EBF2: variants seen among roughly 807,000 people sequenced by gnomAD.
EBF2 encodes EBF transcription factor 2.
A neutral mutation model predicts 72.8 loss-of-function variants in EBF2; 21 were observed. That is an observed-to-expected ratio of 0.29 (90% confidence interval 0.20 to 0.42). The LOEUF (loss-of-function observed/expected upper bound fraction) is 0.42, where lower values mean the gene tolerates loss of function less well. EBF2 is among the 10% of genes least tolerant of loss of function. The pLI is 1.00. For synonymous variants in EBF2, 299 were observed against 274.2 expected (o/e 1.09, Z -0.89); for missense variants, 637 against 731.2 (o/e 0.87, Z 1.49).
chr8:25,952,251 G>A (rs898870837), intron 6 of EBF2, among the ~76,000 whole-genome samples: 1 of 152,154 alleles, frequency 6.6e-6, no homozygotes, highest in African/African-American at 2.4e-5. Context: ...ATCCATGATT[G>A]GCCACTGTGC....
intron 6 of EBF2, among the ~76,000 whole-genome samples, chr8:25,927,377 T>A (rs565487264): frequency 3.3e-4 from 49 of 149,980 alleles, no homozygotes; most frequent in Non-Finnish European, 6.1e-4. Context: ...GTGTATGTTA[T>A]ATATATTATA....
chr8:25,985,461 C>A, intron 6 of EBF2, among the ~76,000 whole-genome samples: 1 of 152,156 alleles, frequency 6.6e-6, no homozygotes, highest in Non-Finnish European at 1.5e-5. Context: ...CAGGCACATA[C>A]TTGAGAACAT....
chr8:25,914,270 T>C (rs1803175410), intron 6 of EBF2, among the ~76,000 whole-genome samples: 1 of 152,232 alleles, frequency 6.6e-6, no homozygotes, highest in Admixed American at 6.5e-5. Flanking sequence ...GTTCCAGTTG[T>C]AATCTAGATC....
At chr8:25,963,523 G>C (rs1804069934) in intron 6 of EBF2, among the ~76,000 whole-genome samples, 1 of 152,140 alleles carries the variant, frequency 6.6e-6, no homozygotes, top group African/African-American at 2.4e-5. Context: ...CCCTCTTACG[G>C]GGTGTGATAG....
chr8:25,922,828 T>C (rs569681010), intron 6 of EBF2, among the ~76,000 whole-genome samples: 2 of 152,154 alleles, frequency 1.3e-5, no homozygotes, highest in South Asian at 4.1e-4. Flanking sequence ...ATTGACACGC[T>C]CAGTATCCAA....
At chr8:25,937,991 G>A (rs1300196224) in intron 6 of EBF2, among the ~76,000 whole-genome samples, 5 of 152,054 alleles carry the variant, frequency 3.3e-5, no homozygotes, top group Non-Finnish European at 5.9e-5. Context: ...GAGAAAAAAA[G>A]GAAGAAAAAA....
At chr8:25,958,696 A>T (rs895760875) in intron 6 of EBF2, among the ~76,000 whole-genome samples, 2 of 151,912 alleles carry the variant, frequency 1.3e-5, no homozygotes, top group Non-Finnish European at 2.9e-5. Context: ...CTGAGCCTCC[A>T]CTCCATGCCA....
rs574992487 is a variant in EBF2 at position 25,900,293 on chromosome 8, A to G, written c.633+8181T>C. 2.0e-5 allele frequency among the ~76,000 whole-genome samples: 3 copies of G among 152,248 alleles called. No homozygotes were observed. The South Asian group carries it at 6.2e-4, about 32-fold the overall frequency. The stretch of plus-strand genomic sequence containing the variant: ...CAACATAGCAAAACCCTGTCTCTAC[A>G]AAAAACACAAAAATTAGCTGGTTTT... On this transcript the variant is annotated intron_variant, in intron 7 of 15. Coordinates refer to ENST00000520164, the MANE Select transcript of EBF2 (RefSeq NM_022659.4).
intron 10 of EBF2, among the ~76,000 whole-genome samples, chr8:25,881,370 A>T (rs149406285): frequency 1.2e-4 from 18 of 152,282 alleles, no homozygotes; most frequent in African/African-American, 2.9e-4. Context: ...GGGTCTTTGC[A>T]CATACTGTTT....
chr8:25,875,286 A>C (rs1802504373), intron 10 of EBF2, among the ~76,000 whole-genome samples: 1 of 152,198 alleles, frequency 6.6e-6, no homozygotes, highest in South Asian at 2.1e-4. Flanking sequence ...TTATATACAT[A>C]AATACCTTTG....
chr8:25,920,948 G>A (rs993217578), intron 6 of EBF2, among the ~76,000 whole-genome samples: 3 of 152,106 alleles, frequency 2.0e-5, no homozygotes, highest in African/African-American at 7.2e-5. Flanking sequence ...TTGGGAAGAA[G>A]GGATGACTGA....
At position 26,042,117 on chromosome 8, in the gene EBF2, A is replaced by T. The variant is rs1436092700; in HGVS notation, c.266T>A (p.Val89Glu). The T allele has an allele frequency of 1.2e-6, 2 of 1,613,676 alleles. No homozygotes were observed. The highest frequency in any genetic ancestry group is 2.7e-5 in the African/African-American group (2 of 74,792). ...QPVEIERTAF[V>E]DFVENDKEQG... ...TACTTTGTCATTCTCCACAAAGTCC[A>T]CGAAGGCCGTCCGCTCGATCTCCAC... is the stretch of plus-strand genomic sequence containing the variant. Residue 89 changes from valine to glutamate, a missense_variant, in exon 2 of 16, where the codon GTG (valine) becomes GAG (glutamate). Val to Glu is a moderately radical substitution (Grantham distance 121). Around this residue, in one of 3 missense-constraint regions of EBF2, gnomAD observed 174 missense variants for 161.9 expected, o/e 1.07. Transcript: ENST00000520164.
intron 10 of EBF2, among the ~76,000 whole-genome samples, chr8:25,883,206 G>C (rs1440357892): frequency 6.6e-6 from 1 of 152,080 alleles, no homozygotes; most frequent in East Asian, 1.9e-4. Context: ...CTTTTGCTAG[G>C]TACTGTGTTT....
chr8:25,848,633 C>G (rs1801891753), intron 15 of EBF2, among the ~76,000 whole-genome samples: 1 of 152,170 alleles, frequency 6.6e-6, no homozygotes, highest in Non-Finnish European at 1.5e-5. Flanking sequence ...CAACCAGCTC[C>G]ACTTTCCCGT....
At chr8:25,979,484 C>A (rs1012958309) in intron 6 of EBF2, among the ~76,000 whole-genome samples, 1 of 152,198 alleles carries the variant, frequency 6.6e-6, no homozygotes, top group African/African-American at 2.4e-5. Context: ...AGGTGGAACA[C>A]AGGACCCCTG....
In EBF2 at chr8:26,011,920, C is replaced by A. The variant is rs182763017; in HGVS notation, c.551+21165G>T. 1.1e-4 allele frequency among the ~76,000 whole-genome samples: 16 copies of A among 152,124 alleles called. No homozygotes were observed. The South Asian group carries it at 3.1e-3, about 30-fold the overall frequency. On this transcript the variant is annotated intron_variant, in intron 6 of 15. Transcript: ENST00000520164. ...CGGGCAAGCGTCCCCTCCTGGAATGCCTCCTCCTGAGTGGGTTAACCTTTT... is the reference window on the plus strand; with the variant it reads ...CGGGCAAGCGTCCCCTCCTGGAATGACTCCTCCTGAGTGGGTTAACCTTTT...
intron 15 of EBF2, among the ~76,000 whole-genome samples, chr8:25,846,938 C>T (rs1302774451): frequency 1.3e-5 from 2 of 152,028 alleles, no homozygotes; most frequent in Admixed American, 6.6e-5. Context: ...CCCTTTGAAC[C>T]AGGTGGAAAG....
chr8:25,892,530 A>T (rs551945026), intron 7 of EBF2, among the ~76,000 whole-genome samples: 2 of 152,288 alleles, frequency 1.3e-5, no homozygotes, highest in Non-Finnish European at 2.9e-5. Flanking sequence ...CTCCCAGTCC[A>T]TCCTACCCCC....
chr8:25,899,731 G>A (rs1302030741), intron 7 of EBF2, among the ~76,000 whole-genome samples: 3 of 152,122 alleles, frequency 2.0e-5, no homozygotes, highest in Admixed American at 2.0e-4. Context: ...CCCGACTAAT[G>A]GCTCGTGCCC....
Sources: gnomAD v4.1 joint callset for allele counts (sites outside exome capture counted in the v4.1 genomes callset) on GRCh38, gnomAD v4.1.1 for gene constraint, gnomAD v4.1.1 regional missense constraint, MANE v1.5 for transcripts, NCBI Gene and HGNC (gene_info 2026-07-23, HGNC 2026-07-21) for gene names.